The following IL34 variants were observed in gnomAD, a reference collection of about 807,000 sequenced individuals.
IL34 encodes interleukin 34, also known as interleukin-34.
In IL34, 17 loss-of-function variants were observed where a neutral mutation model predicts 25.3. The observed-to-expected ratio is 0.67, with a 90% CI of 0.46 to 1.01. The LOEUF (loss-of-function observed/expected upper bound fraction) is 1.01. Among genes scored for constraint, IL34 ranks in the 50% least tolerant of loss-of-function variants. IL34 has a pLI of 0.00. For synonymous variants in IL34, 174 were observed against 140.9 expected (o/e 1.23, Z -1.66); for missense variants, 368 against 312.9 (o/e 1.18, Z -1.33).
At chr16:70,583,059 C>T (rs904142121) in intron 1 of IL34, among the ~76,000 whole-genome samples, 1 of 152,044 alleles carries the variant, frequency 6.6e-6, no homozygotes, top group Non-Finnish European at 1.5e-5. Flanking sequence ...TGAAGAACTT[C>T]GAAGATCAAG....
At chr16:70,609,874 G>A (rs1251658948) in intron 1 of IL34, among the ~76,000 whole-genome samples, 1 of 152,184 alleles carries the variant, frequency 6.6e-6, no homozygotes, top group African/African-American at 2.4e-5. Flanking sequence ...GAACCCAGAT[G>A]CCTCTGGATG....
chr16:70,614,024 A>G (rs939111615), intron 1 of IL34, among the ~76,000 whole-genome samples: 1 of 144,698 alleles, frequency 6.9e-6, no homozygotes, highest in South Asian at 2.1e-4. Flanking sequence ...TTTGTCTCTT[A>G]AAAAAAAAAA....
At chr16:70,632,364 G>T (rs552683849) in intron 1 of IL34, among the ~76,000 whole-genome samples, 2 of 152,162 alleles carry the variant, frequency 1.3e-5, no homozygotes, top group African/African-American at 4.8e-5. Flanking sequence ...TCAAGGTCTA[G>T]GCTTCTACCA....
intron 1 of IL34, among the ~76,000 whole-genome samples, chr16:70,607,233 C>T (rs1733429050): frequency 6.6e-6 from 1 of 152,098 alleles, no homozygotes. Flanking sequence ...TCCCGAGTAG[C>T]CGGGACTACA....
chr16:70,659,848 A>C, intron 5 of IL34, 95 bp downstream of exon 5: 1 of 1,505,732 alleles, frequency 6.6e-7, no homozygotes, highest in South Asian at 1.3e-5. Flanking sequence ...TCCCGGGCAT[A>C]TCCTCTGCTC....
chr16:70,623,580 G>A (rs1036934202), intron 1 of IL34, among the ~76,000 whole-genome samples: 1 of 151,966 alleles, frequency 6.6e-6, no homozygotes, highest in African/African-American at 2.4e-5. Context: ...TTAATGAGAT[G>A]GTAAGGGGTG....
chr16:70,655,313 A>C (rs550160803), intron 2 of IL34, among the ~76,000 whole-genome samples: 2 of 151,500 alleles, frequency 1.3e-5, no homozygotes, highest in Non-Finnish European at 2.9e-5. Context: ...AGCCTCCCAA[A>C]GTGCTGGGAT....
chr16:70,641,406 A>C (rs913021025), intron 1 of IL34, among the ~76,000 whole-genome samples: 2 of 152,232 alleles, frequency 1.3e-5, no homozygotes, highest in Admixed American at 6.5e-5. Context: ...TACTTAAAGA[A>C]GGTGAGCTTC....
intron 1 of IL34, among the ~76,000 whole-genome samples, chr16:70,581,388 CTGTGGAAATAACTTTTT>C (rs955378154): frequency 6.6e-6 from 1 of 151,112 alleles, no homozygotes; most frequent in Non-Finnish European, 1.5e-5. Context: ...CTGGACAACT[CTGTGGAAATAACTTTTT>C]TTTTTTTTTT....
intron 1 of IL34, among the ~76,000 whole-genome samples, chr16:70,604,188 G>A (rs1290917608): frequency 2.0e-5 from 3 of 152,174 alleles, no homozygotes; most frequent in African/African-American, 7.2e-5. Flanking sequence ...CCAGGCCCTG[G>A]GAGGGGCAGG....
At chr16:70,612,126 TC>T (rs1467430743) in intron 1 of IL34, among the ~76,000 whole-genome samples, 24 of 152,334 alleles carry the variant, frequency 1.6e-4, no homozygotes, top group Non-Finnish European at 3.1e-4. Flanking sequence ...AGAGCCAGCC[TC>T]CAACAGGCCG....
intron 1 of IL34, among the ~76,000 whole-genome samples, chr16:70,580,242 G>A (rs2151800045): frequency 6.6e-6 from 1 of 152,306 alleles, no homozygotes; most frequent in South Asian, 2.1e-4. Flanking sequence ...AGAACTGTCT[G>A]CTCTGGGTTT....
intron 1 of IL34, among the ~76,000 whole-genome samples, chr16:70,626,778 T>G (rs1192428284): frequency 6.6e-6 from 1 of 152,196 alleles, no homozygotes; most frequent in Non-Finnish European, 1.5e-5. Flanking sequence ...GATGTGTGCT[T>G]TGAGGAGTAG....
intron 2 of IL34, 62 bp from the exon 3 acceptor site, chr16:70,656,540 G>A (rs920743658): frequency 4.7e-5 from 41 of 867,370 alleles, no homozygotes; most frequent in Non-Finnish European, 8.0e-5. Context: ...CATTTGGGAG[G>A]TTGGGGAGCC....
intron 1 of IL34, among the ~76,000 whole-genome samples, chr16:70,592,003 A>G (rs914920863): frequency 6.6e-6 from 1 of 151,976 alleles, no homozygotes; most frequent in South Asian, 2.1e-4. Flanking sequence ...GTAGTGATGA[A>G]GAAGCTGCTT....
chr16:70,612,264 G>A (rs942808946), intron 1 of IL34, among the ~76,000 whole-genome samples: 1 of 148,052 alleles, frequency 6.8e-6, no homozygotes, highest in South Asian at 2.4e-4. Context: ...AAGTCACATA[G>A]CAAGTTATTG....
chr16:70,654,685 C>T lies in IL34; in HGVS notation c.162+14C>T. ...CTTCAGTACATGGTAACCACGTGGG[C>T]ACCAGCTGTGTCCCTGTCCCCGCGT... On this transcript the variant is annotated intron_variant, in intron 2 of 5. Transcript: ENST00000288098. 6.3e-7 allele frequency: 1 copy of T among 1,594,070 alleles called. No homozygotes were observed. The highest frequency in any genetic ancestry group is 8.6e-7 in the Non-Finnish European group (1 of 1,165,242).
chr16:70,623,753 A>G (rs11644420), intron 1 of IL34, among the ~76,000 whole-genome samples: 14,667 of 150,300 alleles, frequency 0.098, 991 homozygotes, highest in African/African-American at 0.18. Context: ...AATTTAGTTA[A>G]AGTGTCTCGG....
At chr16:70,659,415 A>G (rs1482823720) in intron 4 of IL34, among the ~76,000 whole-genome samples, 1 of 152,212 alleles carries the variant, frequency 6.6e-6, no homozygotes, top group Non-Finnish European at 1.5e-5. Context: ...TCTGAGTTGT[A>G]CATGGGTGAG....
Sources: allele counts gnomAD v4.1 joint callset (sites outside exome capture counted in the v4.1 genomes callset), GRCh38; gene constraint gnomAD v4.1.1; transcripts MANE v1.5; gene names NCBI Gene and HGNC (gene_info 2026-07-23, HGNC 2026-07-21).